SEMA6C: variants seen among roughly 807,000 people sequenced by gnomAD.
The protein encoded by SEMA6C is semaphorin 6C.
SEMA6C carries 37 observed loss-of-function variants against 72.9 expected under a neutral mutation model. That is an observed-to-expected ratio of 0.51 (90% CI 0.39 to 0.67). The LOEUF is 0.67. SEMA6C is among the 30% of genes least tolerant of loss of function. The pLI is 0.00. For missense variants in SEMA6C, 1,189 were observed against 1,263.6 expected (o/e 0.94, Z 0.89); for synonymous variants, 578 against 554.1 (o/e 1.04, Z -0.61).
chr1:151,138,341 G>A lies in SEMA6C; in HGVS notation c.522C>T (p.Thr174=), dbSNP rs757802537. The A allele has an allele frequency of 2.8e-5, 45 of 1,613,938 alleles. No individual in the cohort carries two copies. Among genetic ancestry groups the A allele is most frequent in the African/African-American group, 4.0e-5 (3 of 74,944 alleles). The change falls in exon 8 of 19, where the codon ACC becomes ACT. Residue 174 remains threonine (T), a synonymous_variant. Coordinates refer to ENST00000368914, the MANE Select transcript of SEMA6C (RefSeq NM_030913.6). ...CTGCAAAGATGGCCACGTTGGACTG[G>A]GTGGCATCAAAGGGGCATCGAGCCT... The part of the protein sequence containing the change: ...SGQARCPFDA[T]QSNVAIFAEG...
At position 151,133,964 on chromosome 1, in the gene SEMA6C, A is replaced by G; in HGVS notation, c.1759+437T>C. 6.7e-7 allele frequency: 1 copy of G among 1,490,678 alleles called. No homozygotes were observed. Among genetic ancestry groups the G allele is most frequent in the African/African-American group, 1.4e-5 (1 of 71,426 alleles). The allele number at this position is 1,490,678 out of a possible 1,614,324, so 92.3% of individuals were successfully genotyped here. A position where few individuals can be genotyped will look rare whatever the true frequency, so the allele number is the denominator to read the frequency against. On this transcript the variant is annotated intron_variant, in intron 18 of 18. Coordinates refer to ENST00000368914, the MANE Select transcript of SEMA6C (RefSeq NM_030913.6). This position sits in a 1 kb window ranked among gnomAD's most constrained non-coding sequence, Gnocchi z 5.9. ...TCTCCCAAGTAGCCCCCTTACCCCG[A>G]GTGTGAACTCCAAGAGTGGAAGACT... is the stretch of plus-strand genomic sequence containing the variant.
chr1:151,138,064 T>C lies in SEMA6C; in HGVS notation c.589A>G (p.Ser197Gly), dbSNP rs762531761. 2 of 1,614,182 alleles carry C rather than the reference T, an allele frequency of 1.2e-6. No homozygotes were observed. Among genetic ancestry groups the C allele is most frequent in the East Asian group, 2.2e-5 (1 of 44,882 alleles). ...YSATAADFQA[S>G]DAVVYRSLGP... is the part of the protein sequence containing the mutation. The stretch of plus-strand genomic sequence containing the variant: ...AGGCTTCTGTAAACTACAGCATCAC[T>C]GGCCTGGAAATCCGCAGCTGTGGCT... Residue 197 changes from serine (S) to glycine (G), a missense_variant, in exon 9 of 19, where the codon AGT becomes GGT. Coordinates refer to ENST00000368914, the MANE Select transcript of SEMA6C (RefSeq NM_030913.6).
intron 3 of SEMA6C, among the ~76,000 whole-genome samples, chr1:151,141,250 G>A (rs1682525692): frequency 6.6e-6 from 1 of 152,144 alleles, no homozygotes; most frequent in Non-Finnish European, 1.5e-5. Context: ...AGGCGAGTAA[G>A]AGGTGTTGGG....
chr1:151,135,660 G>A lies in SEMA6C; in HGVS notation c.1364C>T (p.Thr455Ile), dbSNP rs763018584. ...AGGTCCCCCGGATCGCCCACCTGGGGTCAGCACCTTCAGCACTGTCCCATC... is the reference window on the plus strand; with the variant it reads ...AGGTCCCCCGGATCGCCCACCTGGGATCAGCACCTTCAGCACTGTCCCATC... ...SNDGTVLKVL[T>I]PGGRSGGPEP... The change falls in exon 14 of 19, where the codon ACC (threonine) becomes ATC (isoleucine). Residue 455 changes from threonine (T) to isoleucine (I), a missense_variant. Transcript: ENST00000368914. 1 of 1,614,038 alleles carries A rather than the reference G, an allele frequency of 6.2e-7. No homozygotes were observed. The highest frequency in any genetic ancestry group is 8.5e-7 in the Non-Finnish European group (1 of 1,180,008).
Position 151,145,704 on chromosome 1 carries a change from G to A in SEMA6C, c.-105+729C>T, listed in dbSNP as rs1250150221. 3.3e-5 allele frequency: 5 copies of A among 153,668 alleles called. No homozygotes were observed. The highest frequency in any genetic ancestry group is 9.6e-5 in the African/African-American group (4 of 41,484). The allele number at this position is 153,668 out of a possible 1,614,324, so 9.5% of individuals were successfully genotyped here. ...CGAAGAGGGGATAGGAGCGGGGGTTGGGGAGCGGAGGCGGGTCTCCCAGGC... is the reference window on the plus strand; with the variant it reads ...CGAAGAGGGGATAGGAGCGGGGGTTAGGGAGCGGAGGCGGGTCTCCCAGGC... On this transcript the variant is annotated intron_variant, in intron 1 of 18. Transcript: ENST00000368914. The surrounding 1 kb of genome is among the most constrained non-coding windows in gnomAD (Gnocchi z 4.4).
chr1:151,136,834 A>G, intron 11 of SEMA6C, 23 bp downstream of exon 11: 1 of 1,596,134 alleles, frequency 6.3e-7, no homozygotes, highest in South Asian at 1.1e-5. Context: ...AGATTGGGTC[A>G]CACTAGTCAG....
In SEMA6C at chr1:151,135,703, T is replaced by C; in HGVS notation, c.1321A>G (p.Met441Val). The C allele has an allele frequency of 6.2e-7, 1 of 1,614,156 alleles. No homozygotes were observed. The highest frequency in any genetic ancestry group is 8.5e-7 in the Non-Finnish European group (1 of 1,180,004). Residue 441 changes from methionine (M) to valine (V), a missense_variant, in exon 14 of 19, where the codon ATG becomes GTG. Transcript: ENST00000368914. The part of the protein sequence containing the change: ...MAGPHSNITV[M>V]FLGSNDGTVL... ...GTCCCATCATTGGAGCCAAGGAACA[T>C]GACTGTGATGTTACTGTGGGGACCA...
At chr1:151,137,614 G>A in intron 10 of SEMA6C, 97 bp downstream of exon 10, 3 of 998,740 alleles carry the variant, frequency 3.0e-6, no homozygotes, top group South Asian at 3.0e-5. Context: ...GGATTGCTTT[G>A]TGGAGATTAT....
chr1:151,132,025 C>A lies in SEMA6C; in HGVS notation c.*459G>T. The A allele has an allele frequency of 2.7e-6, 1 of 369,662 alleles. No individual in the cohort carries two copies. Among genetic ancestry groups the A allele is most frequent in the Non-Finnish European group, 4.8e-6 (1 of 209,024 alleles). The allele number at this position is 369,662 out of a possible 1,614,324, so 22.9% of individuals were successfully genotyped here. On this transcript the variant is annotated 3_prime_UTR_variant, in exon 19 of 19. Coordinates refer to ENST00000368914, the MANE Select transcript of SEMA6C (RefSeq NM_030913.6). ...CAGAGCGAGCCGACCGACTGCCGCC[C>A]TCCCCCGCCCGAGTGAAGTCAGGCA... is the stretch of plus-strand genomic sequence containing the variant.
At chr1:151,134,012 G>T in intron 18 of SEMA6C, 1 of 1,539,458 alleles carries the variant, frequency 6.5e-7, no homozygotes, top group South Asian at 1.2e-5. Context: ...GGGCATCACT[G>T]GGAGGACTGG....
chr1:151,136,104 G>C lies in SEMA6C; in HGVS notation c.1166C>G (p.Pro389Arg), dbSNP rs752258327. ...AALFSSSRDL[P>R]DDVLTFIKAH... ...CTTGATGAAGGTCAGGACATCATCA[G>C]GGAGGTCTCGGGAAGAGGAGAACAA... Residue 389 changes from proline (P) to arginine (R), a missense_variant, in exon 13 of 19, where the codon CCT (proline) becomes CGT (arginine). Physicochemically the swap from Pro to Arg is moderately radical, Grantham distance 103. Transcript: ENST00000368914. 2 of 1,614,108 alleles carry C rather than the reference G, an allele frequency of 1.2e-6. No individual in the cohort carries two copies. Among genetic ancestry groups the C allele is most frequent in the Non-Finnish European group, 1.7e-6 (2 of 1,180,010 alleles).
At position 151,132,615 on chromosome 1, in the gene SEMA6C, G is replaced by A. The variant is rs769992554; in HGVS notation, c.2662C>T (p.Arg888Trp). The change falls in exon 19 of 19, where the codon CGG becomes TGG. Residue 888 changes from arginine (R) to tryptophan (W), a missense_variant. Arg to Trp is a moderately radical substitution (Grantham distance 101). Coordinates refer to ENST00000368914, the MANE Select transcript of SEMA6C (RefSeq NM_030913.6). ...GCGCGGCCCCGGTAGCCCTCGGGCC[G>A]GCCCAGGTACAGGAGGTGCTTCCCG... is the stretch of plus-strand genomic sequence containing the variant. ...GPGKHLLYLG[R>W]PEGYRGRALK... The A allele has an allele frequency of 1.3e-6, 2 of 1,551,178 alleles. No homozygotes were observed. The highest frequency in any genetic ancestry group is 1.7e-6 in the Non-Finnish European group (2 of 1,147,172).
intron 3 of SEMA6C, among the ~76,000 whole-genome samples, chr1:151,141,558 C>T (rs1181982198): frequency 1.3e-5 from 2 of 151,938 alleles, no homozygotes; most frequent in African/African-American, 2.4e-5. Flanking sequence ...TACAGGCACA[C>T]GCCACCAAGC....
In SEMA6C at chr1:151,144,513, A is replaced by T. The variant is rs587694248; in HGVS notation, c.-104-79T>A. On this transcript the variant is annotated intron_variant, in intron 1 of 18. Coordinates refer to ENST00000368914, the MANE Select transcript of SEMA6C (RefSeq NM_030913.6). ...ACATCCCTTACAAGTAAATGTAAAA[A>T]TTCAAGAAAAGTCTGCTGACGCTTG... 3 of 152,790 alleles carry T rather than the reference A, an allele frequency of 2.0e-5. No homozygotes were observed. In the South Asian group the frequency reaches 6.2e-4, roughly 32 times the overall value. The allele number at this position is 152,790 out of a possible 1,614,324, so 9.5% of individuals were successfully genotyped here. A position where few individuals can be genotyped will look rare whatever the true frequency, so the allele number is the denominator to read the frequency against.
rs587642865 is a variant in SEMA6C, at chr1:151,133,882, T to C, written c.1760-365A>G. On this transcript the variant is annotated intron_variant, in intron 18 of 18. Transcript: ENST00000368914. This position sits in a 1 kb window ranked among gnomAD's most constrained non-coding sequence, Gnocchi z 5.9. ...AGGCGTTAGTGAGCACCAAACACCATTCAGTGAGGGGCTTAGAACGCTCCG... is the reference window on the plus strand; with the variant it reads ...AGGCGTTAGTGAGCACCAAACACCACTCAGTGAGGGGCTTAGAACGCTCCG... 2.4e-6 allele frequency: 3 copies of C among 1,252,450 alleles called. No homozygotes were observed. The African/African-American group carries it at 4.5e-5, about 19-fold the overall frequency. The allele number at this position is 1,252,450 out of a possible 1,614,324, so 77.6% of individuals were successfully genotyped here. A position where few individuals can be genotyped will look rare whatever the true frequency, so the allele number is the denominator to read the frequency against.
chr1:151,134,055 A>T (rs1681809923), intron 18 of SEMA6C: 1 of 1,511,684 alleles, frequency 6.6e-7, no homozygotes, highest in Non-Finnish European at 8.8e-7. Context: ...ACCCGGAAGC[A>T]CTGGTGGCAG....
At chr1:151,138,954 G>T (rs1682285308) in intron 6 of SEMA6C, among the ~76,000 whole-genome samples, 1 of 152,080 alleles carries the variant, frequency 6.6e-6, no homozygotes, top group Non-Finnish European at 1.5e-5. Context: ...TTAGCTGGGT[G>T]TAGCAGCATG....
rs1453694334 is a variant in SEMA6C at position 151,136,042 on chromosome 1, T to C, written c.1228A>G (p.Thr410Ala). Residue 410 changes from threonine (T) to alanine (A), a missense_variant, in exon 13 of 19, where the codon ACC (threonine) becomes GCC (alanine). This residue lies in a region of SEMA6C where 468 missense variants were observed against 577.4 expected (regional missense o/e 0.81). Coordinates refer to ENST00000368914, the MANE Select transcript of SEMA6C (RefSeq NM_030913.6). ...PLLDPAVPPV[T>A]HQPLLTLTSR... ...GTGAGAGTGAGTAGAGGCTGATGGGTGACAGGTGGTACAGCGGGGTCCAGC... is the reference window on the plus strand; with the variant it reads ...GTGAGAGTGAGTAGAGGCTGATGGGCGACAGGTGGTACAGCGGGGTCCAGC... 5 of 1,613,876 alleles carry C rather than the reference T, an allele frequency of 3.1e-6. No homozygotes were observed. Among genetic ancestry groups the C allele is most frequent in the African/African-American group, 2.7e-5 (2 of 74,830 alleles).
At position 151,141,198 on chromosome 1, in the gene SEMA6C, C is replaced by G. The variant is rs587712745; in HGVS notation, c.119-1108G>C. Among the ~76,000 whole-genome samples, 274 of 93,990 alleles carry G rather than the reference C, an allele frequency of 2.9e-3. 3 individuals are homozygous for G. Among genetic ancestry groups the G allele is most frequent in the African/African-American group, 0.011 (263 of 23,352 alleles). 61.7% of individuals were successfully genotyped at this position (93,990 alleles called of 152,430 possible). ...CTCAGAAAAAGTGGGTTTATGCTTTCTATCATGGTGGGCTTATTGGTGGGT... is the reference window on the plus strand; with the variant it reads ...CTCAGAAAAAGTGGGTTTATGCTTTGTATCATGGTGGGCTTATTGGTGGGT... On this transcript the variant is annotated intron_variant, in intron 3 of 18. Coordinates refer to ENST00000368914, the MANE Select transcript of SEMA6C (RefSeq NM_030913.6).
Sources: gnomAD v4.1 joint callset for allele counts (sites outside exome capture counted in the v4.1 genomes callset) on GRCh38, gnomAD v4.1.1 for gene constraint, gnomAD v4.1.1 regional missense constraint, Gnocchi (gnomAD v3.1) non-coding constraint, MANE v1.5 for transcripts, NCBI Gene and HGNC (gene_info 2026-07-23, HGNC 2026-07-21) for gene names.